HDAC9: variants seen among roughly 807,000 people sequenced by gnomAD.
The protein encoded by HDAC9 is histone deacetylase 9.
HDAC9 carries 41 observed loss-of-function variants against 139.4 expected under a neutral mutation model. The ratio of observed to expected loss-of-function variants is 0.29; its 90% CI spans 0.23 to 0.38. The LOEUF (loss-of-function observed/expected upper bound fraction) is 0.38. HDAC9 is among the 10% of genes least tolerant of loss of function. The pLI is 1.00. For synonymous variants in HDAC9, 517 were observed against 476.2 expected (o/e 1.09, Z -1.12); for missense variants, 1,147 against 1,297.0 (o/e 0.88, Z 1.78).
At chr7:18,296,145 C>T (rs1212417004) in intron 1 of HDAC9, among the ~76,000 whole-genome samples, 6 of 152,020 alleles carry the variant, frequency 3.9e-5, no homozygotes, top group Non-Finnish European at 5.9e-5. Context: ...TGTGTACTCA[C>T]GTGAATTACC....
chr7:18,434,433 A>C (rs892127463), intron 1 of HDAC9, among the ~76,000 whole-genome samples: 3 of 152,262 alleles, frequency 2.0e-5, no homozygotes, highest in Non-Finnish European at 2.9e-5. Context: ...GAGCTTCTGC[A>C]TAGCAAAAGA....
intron 1 of HDAC9, among the ~76,000 whole-genome samples, chr7:18,345,039 A>T (rs915015618): frequency 1.3e-5 from 2 of 151,998 alleles, no homozygotes; most frequent in African/African-American, 2.4e-5. Flanking sequence ...TCTTAATGGA[A>T]ATAAGAGAAG....
At chr7:18,818,497 T>TAAGAGAA in intron 17 of HDAC9, among the ~76,000 whole-genome samples, 1 of 152,188 alleles carries the variant, frequency 6.6e-6, no homozygotes, top group Non-Finnish European at 1.5e-5. Context: ...CTCTTGTCAG[T>TAAGAGAA]TTATAAATGT....
At chr7:18,161,110 A>G (rs73315795) in intron 1 of HDAC9, among the ~76,000 whole-genome samples, 3,582 of 152,276 alleles carry the variant, frequency 0.024, 144 homozygotes, top group African/African-American at 0.081. Context: ...GTACATTTTA[A>G]TTGTCATTAA....
At chr7:18,979,840 CA>C (rs1178848101) in intron 25 of HDAC9, among the ~76,000 whole-genome samples, 4 of 152,142 alleles carry the variant, frequency 2.6e-5, no homozygotes, top group African/African-American at 9.7e-5. Context: ...GCTTACTTAT[CA>C]CCATGGAGAT....
chr7:18,245,493 C>T lies in HDAC9; in HGVS notation c.25+83144C>T, dbSNP rs185165054. ...GTCCCAGCTACTCAGGAGGCTGAGGCGGGAGAATGGCATGAACCCGGACTT... is the reference window on the plus strand; with the variant it reads ...GTCCCAGCTACTCAGGAGGCTGAGGTGGGAGAATGGCATGAACCCGGACTT... On this transcript the variant is annotated intron_variant, in intron 2 of 12. Transcript: ENST00000417496. Among the ~76,000 whole-genome samples the T allele has an allele frequency of 3.7e-4, 56 of 151,986 alleles. 1 individual carries two copies. Among genetic ancestry groups the T allele is most frequent in the Admixed American group, 2.7e-3 (41 of 15,274 alleles).
chr7:18,592,520 A>G (rs1583812803), intron 5 of HDAC9, among the ~76,000 whole-genome samples: 1 of 152,078 alleles, frequency 6.6e-6, no homozygotes, highest in African/African-American at 2.4e-5. Context: ...TTACACTTAT[A>G]TATTTTTCAA....
Position 18,228,185 on chromosome 7 carries a change from A to C in HDAC9, c.25+65836A>C, listed in dbSNP as rs189939806. ...CCTTTAGTCACAGACACTTTCATAG[A>C]ATAAAGGGGGTTGTTTAATACTCCA... On this transcript the variant is annotated intron_variant, in intron 2 of 12. Transcript: ENST00000417496. 3.9e-5 allele frequency among the ~76,000 whole-genome samples: 6 copies of C among 152,286 alleles called. No homozygotes were observed. In the East Asian group the frequency reaches 1.2e-3, roughly 29 times the overall value.
chr7:18,620,583 C>G (rs801530), intron 6 of HDAC9, among the ~76,000 whole-genome samples: 1 of 151,194 alleles, frequency 6.6e-6, no homozygotes, highest in Admixed American at 6.6e-5. Context: ...TCATTCACTC[C>G]GTAAACTTTT....
rs35414332 is a variant in HDAC9 at position 18,744,012 on chromosome 7, G to GTTTTTTTTTTTTTT, written c.1910-4985_1910-4972dup. ...TTTTTACATCTCACTTTTACTACTAGTTTTTTTTTTTTTTTTTTTTTGAGA... is the reference window on the plus strand; with the variant it reads ...TTTTTACATCTCACTTTTACTACTAGTTTTTTTTTTTTTTTTTTTTTTTTTTTTTTTTTTTGAGA... On this transcript the variant is annotated intron_variant, in intron 13 of 25. Coordinates refer to ENST00000686413, the MANE Select transcript of HDAC9 (RefSeq NM_178425.4). Among the ~76,000 whole-genome samples, 32 of 110,440 alleles carry GTTTTTTTTTTTTTT rather than the reference G, an allele frequency of 2.9e-4. 1 individual carries two copies. The East Asian group carries it at 3.2e-3, about 11-fold the overall frequency. 72.5% of individuals were successfully genotyped at this position (110,440 alleles called of 152,430 possible).
At chr7:18,593,680 A>G (rs1380847326) in intron 5 of HDAC9, among the ~76,000 whole-genome samples, 1 of 152,144 alleles carries the variant, frequency 6.6e-6, no homozygotes, top group Non-Finnish European at 1.5e-5. Context: ...CAAACTTTCT[A>G]TGTGACTGTA....
At chr7:18,704,959 C>G (rs1214525629) in intron 12 of HDAC9, among the ~76,000 whole-genome samples, 7 of 152,072 alleles carry the variant, frequency 4.6e-5, no homozygotes, top group Non-Finnish European at 1.0e-4. Flanking sequence ...TCAGTACTGT[C>G]TAATGGAAAT....
chr7:18,408,282 A>C (rs957660078), intron 1 of HDAC9, among the ~76,000 whole-genome samples: 8 of 152,220 alleles, frequency 5.3e-5, no homozygotes, highest in Admixed American at 5.2e-4. Context: ...TGTTTCTACA[A>C]TACATAATTC....
chr7:18,457,669 T>C (rs1015782077), intron 1 of HDAC9, among the ~76,000 whole-genome samples: 3 of 152,188 alleles, frequency 2.0e-5, no homozygotes, highest in Admixed American at 1.3e-4. Context: ...TTAATTTTCT[T>C]TCATATCAAC....
chr7:18,340,398 T>C (rs913492112), intron 1 of HDAC9, among the ~76,000 whole-genome samples: 2 of 151,512 alleles, frequency 1.3e-5, no homozygotes, highest in Non-Finnish European at 3.0e-5. Context: ...AATCTACTAT[T>C]TTGCTACTCA....
At chr7:18,150,093 A>G (rs1377857635) in intron 1 of HDAC9, among the ~76,000 whole-genome samples, 6 of 117,600 alleles carry the variant, frequency 5.1e-5, no homozygotes, top group African/African-American at 1.9e-4. Context: ...TTTTTTTTTT[A>G]AGTGCACAAA....
chr7:18,880,344 A>G (rs375846896), intron 22 of HDAC9, among the ~76,000 whole-genome samples: 1 of 152,208 alleles, frequency 6.6e-6, no homozygotes, highest in Non-Finnish European at 1.5e-5. Flanking sequence ...TTGACCATAA[A>G]GACACATGCT....
At chr7:18,172,515 C>T (rs1192881225) in intron 2 of HDAC9, among the ~76,000 whole-genome samples, 1 of 152,144 alleles carries the variant, frequency 6.6e-6, no homozygotes, top group African/African-American at 2.4e-5. Context: ...TTTGCTCTTG[C>T]TTCTCTAGTT....
intron 21 of HDAC9, among the ~76,000 whole-genome samples, chr7:18,850,080 G>GC (rs1797171360): frequency 1.1e-5 from 1 of 91,326 alleles, no homozygotes; most frequent in Non-Finnish European, 2.2e-5. Flanking sequence ...AAAAGCCTGA[G>GC]TAAAAAAAAA....
Sources: gnomAD v4.1 joint callset for allele counts (sites outside exome capture counted in the v4.1 genomes callset) on GRCh38, gnomAD v4.1.1 for gene constraint, MANE v1.5 for transcripts, NCBI Gene and HGNC (gene_info 2026-07-23, HGNC 2026-07-21) for gene names.